The following FADS2 variants were observed in gnomAD, a reference collection of about 807,000 sequenced individuals.
FADS2 encodes acyl-CoA 6-desaturase.
FADS2 carries 18 observed loss-of-function variants against 61.2 expected under a neutral mutation model. The observed-to-expected ratio is 0.29, with a 90% confidence interval of 0.20 to 0.44. The LOEUF (loss-of-function observed/expected upper bound fraction) is 0.44, where lower values mean the gene tolerates loss of function less well. Among genes scored for constraint, FADS2 ranks in the 20% least tolerant of loss-of-function variants. FADS2 has a pLI of 1.00. For missense variants in FADS2, 322 were observed against 572.7 expected, an observed-to-expected ratio of 0.56 and a Z score of 4.47; for synonymous variants, 203 against 223.9, an observed-to-expected ratio of 0.91 and a Z score of 0.83.
rs577282649 is a variant in FADS2 at position 61,837,754 on chromosome 11, T to C, written c.208-24T>C. 7.1e-6 allele frequency: 11 copies of C among 1,540,174 alleles called. No homozygotes were observed. The South Asian group carries it at 1.3e-4, about 18-fold the overall frequency. On this transcript the variant is annotated intron_variant, in intron 1 of 11. Transcript: ENST00000278840. ...AGCAGACAGAGTTCAGGTCTTAGCC[T>C]CATCACTGCCCTCTGCTCTCCAGGA...
At chr11:61,817,598 T>A (rs1282960389) in intron 1 of FADS2, among the ~76,000 whole-genome samples, 2 of 152,222 alleles carry the variant, frequency 1.3e-5, no homozygotes, top group Non-Finnish European at 2.9e-5. Context: ...TAGCGTCTCC[T>A]GACCCTTAGG....
Position 61,837,782 on chromosome 11 carries a change from C to A in FADS2, c.212C>A (p.Ala71Asp). The A allele has an allele frequency of 6.2e-7, 1 of 1,609,534 alleles. No homozygotes were observed. Among genetic ancestry groups the A allele is most frequent in the Non-Finnish European group, 8.5e-7 (1 of 1,177,552 alleles). Residue 71 changes from alanine to aspartate, a missense_variant, in exon 2 of 12, where the codon GCC (alanine) becomes GAC (aspartate). Physicochemically the swap from Ala to Asp is moderately radical, Grantham distance 126 (BLOSUM62 -2). This residue lies in a region of FADS2 where 61 missense variants were observed against 107.4 expected (regional missense o/e 0.57). Transcript: ENST00000278840. ...TCACTGCCCTCTGCTCTCCAGGATG[C>A]CTTCCGCGCCTTCCACCCTGACCTG... ...GHYAGEDATD[A>D]FRAFHPDLEF...
rs1270674289 is a variant in FADS2 at position 61,816,677 on chromosome 11, G to A, written c.141+251G>A. 1 of 1,591,930 alleles carries A rather than the reference G, an allele frequency of 6.3e-7. No individual in the cohort carries two copies. ...AGCCACCGCTCCTCGCACCCTGAGC[G>A]CTGGGCCACCTCGTCCCAGGTGAAG... On this transcript the variant is annotated intron_variant, in intron 1 of 11. Transcript: ENST00000257261. This position sits in a 1 kb window ranked among gnomAD's most constrained non-coding sequence, Gnocchi z 7.0.
rs928492544 is a variant in FADS2, at chr11:61,865,575, C to G, written c.1284-63C>G. Reference sequence around the variant, plus strand: ...CACCTTAATGATGGCCTCCTCAGCCCTTGCACTCCCTGGGGCCACTCCCGT... The same window carrying G: ...CACCTTAATGATGGCCTCCTCAGCCGTTGCACTCCCTGGGGCCACTCCCGT... On this transcript the variant is annotated intron_variant, in intron 11 of 11. Transcript: ENST00000278840. The surrounding 1 kb of genome is among the most constrained non-coding windows in gnomAD (Gnocchi z 4.1). 3 of 1,483,862 alleles carry G rather than the reference C, an allele frequency of 2.0e-6. No homozygotes were observed. The highest frequency in any genetic ancestry group is 2.8e-6 in the Non-Finnish European group (3 of 1,068,474). The allele number at this position is 1,483,862 out of a possible 1,614,324, so 91.9% of individuals were successfully genotyped here.
At chr11:61,821,528 G>T (rs889745218) in intron 1 of FADS2, 1 of 671,912 alleles carries the variant, frequency 1.5e-6, no homozygotes, top group African/African-American at 1.8e-5. Context: ...TTGGCCAATA[G>T]CCTGGATCCT....
At chr11:61,853,249 CT>C in intron 5 of FADS2, among the ~76,000 whole-genome samples, 1 of 144,728 alleles carries the variant, frequency 6.9e-6, no homozygotes, top group Admixed American at 6.7e-5. Context: ...TTCTTTCTCT[CT>C]CTCTTTCTTT....
intron 7 of FADS2, among the ~76,000 whole-genome samples, chr11:61,861,759 T>A (rs2067419309): frequency 6.6e-6 from 1 of 152,176 alleles, no homozygotes; most frequent in South Asian, 2.1e-4. Flanking sequence ...CCTGATCACC[T>A]AGGACCAGCC....
intron 2 of FADS2, 90 bp from the exon 3 acceptor site, chr11:61,840,244 T>C: frequency 9.2e-7 from 1 of 1,084,964 alleles, no homozygotes. Context: ...CTCTGGGTTG[T>C]GCATTGGCTG....
At chr11:61,852,967 A>G (rs1171253039) in intron 5 of FADS2, among the ~76,000 whole-genome samples, 1 of 152,126 alleles carries the variant, frequency 6.6e-6, no homozygotes, top group African/African-American at 2.4e-5. Context: ...ATCTTGGCTA[A>G]CACAATGAAA....
At chr11:61,849,164 G>A (rs891936045) in intron 5 of FADS2, among the ~76,000 whole-genome samples, 4 of 152,202 alleles carry the variant, frequency 2.6e-5, no homozygotes, top group African/African-American at 9.7e-5. Context: ...CAAAGTGCTG[G>A]TATTACAGGC....
At chr11:61,836,349 C>T (rs926802036) in intron 1 of FADS2, among the ~76,000 whole-genome samples, 20 of 152,108 alleles carry the variant, frequency 1.3e-4, no homozygotes, top group Non-Finnish European at 2.9e-5. Context: ...CGCCCTGCCT[C>T]GGCTTCCCAA....
intron 1 of FADS2, among the ~76,000 whole-genome samples, chr11:61,831,064 G>A (rs2067124438): frequency 6.6e-6 from 1 of 152,174 alleles, no homozygotes; most frequent in African/African-American, 2.4e-5. Context: ...TGATGGTGAT[G>A]ATGGAGTGAG....
intron 6 of FADS2, 37 bp downstream of exon 6, chr11:61,857,108 T>C: frequency 6.5e-7 from 1 of 1,545,210 alleles, no homozygotes; most frequent in East Asian, 2.2e-5. Flanking sequence ...TCTGGGACCC[T>C]CCCCTCCCCC....
In FADS2 at chr11:61,865,550, C is replaced by A; in HGVS notation, c.1284-88C>A. 4 of 1,256,954 alleles carry A rather than the reference C, an allele frequency of 3.2e-6. No homozygotes were observed. Among genetic ancestry groups the A allele is most frequent in the Non-Finnish European group, 4.6e-6 (4 of 873,296 alleles). The allele number at this position is 1,256,954 out of a possible 1,614,324, so 77.9% of individuals were successfully genotyped here. A position where few individuals can be genotyped will look rare whatever the true frequency, so the allele number is the denominator to read the frequency against. On this transcript the variant is annotated intron_variant, in intron 11 of 11. Transcript: ENST00000278840. This position sits in a 1 kb window ranked among gnomAD's most constrained non-coding sequence, Gnocchi z 4.1. The stretch of plus-strand genomic sequence containing the variant: ...GTTAGGGCCAAGGGGACATACATGC[C>A]ACCTTAATGATGGCCTCCTCAGCCC...
chr11:61,857,184 GT>G, intron 6 of FADS2, 113 bp downstream of exon 6: 1 of 969,292 alleles, frequency 1.0e-6, no homozygotes, highest in Non-Finnish European at 1.6e-6. Context: ...CACTAAACTT[GT>G]TAGAAGCGGG....
chr11:61,817,532 G>T (rs2066998568), intron 1 of FADS2, among the ~76,000 whole-genome samples: 1 of 152,096 alleles, frequency 6.6e-6, no homozygotes, highest in African/African-American at 2.4e-5. Flanking sequence ...GCCTCTTTTT[G>T]TTTTTATTTT....
At chr11:61,820,098 G>A (rs932729991) in intron 1 of FADS2, among the ~76,000 whole-genome samples, 2 of 151,796 alleles carry the variant, frequency 1.3e-5, no homozygotes, top group African/African-American at 2.4e-5. Flanking sequence ...CCAGCTACTT[G>A]GGAGGCTGAG....
In FADS2 at chr11:61,865,711, G is replaced by A. The variant is rs370314491; in HGVS notation, c.*22G>A. Reference sequence around the variant, plus strand: ...ATGAAGCCACAGCCCCCGGGACACCGTGGGGAAGGGGTGCAGGTGGGGTGA... The same window carrying A: ...ATGAAGCCACAGCCCCCGGGACACCATGGGGAAGGGGTGCAGGTGGGGTGA... On this transcript the variant is annotated 3_prime_UTR_variant, in exon 12 of 12. Coordinates refer to ENST00000278840, the MANE Select transcript of FADS2 (RefSeq NM_004265.4). This position sits in a 1 kb window ranked among gnomAD's most constrained non-coding sequence, Gnocchi z 4.1. 39 of 1,601,762 alleles carry A rather than the reference G, an allele frequency of 2.4e-5. No individual in the cohort carries two copies. The highest frequency in any genetic ancestry group is 6.7e-5 in the South Asian group (6 of 89,754).
In FADS2 at chr11:61,832,682, T is replaced by C. The variant is rs972525198; in HGVS notation, c.207+4085T>C. The stretch of plus-strand genomic sequence containing the variant: ...GACATGGCATAGGGGCTTCCTGCCC[T>C]GCCTGCCTCTCTCTGCTGCAGAAAG... On this transcript the variant is annotated intron_variant, in intron 1 of 11. Transcript: ENST00000278840. Among the ~76,000 whole-genome samples the C allele has an allele frequency of 2.6e-5, 4 of 152,210 alleles. No homozygotes were observed. The East Asian group carries it at 7.7e-4, about 29-fold the overall frequency.
Sources: gnomAD v4.1 joint callset for allele counts (sites outside exome capture counted in the v4.1 genomes callset) on GRCh38, gnomAD v4.1.1 for gene constraint, gnomAD v4.1.1 regional missense constraint, Gnocchi (gnomAD v3.1) non-coding constraint, MANE v1.5 for transcripts, NCBI Gene and HGNC (gene_info 2026-07-23, HGNC 2026-07-21) for gene names.